The following LYRM4 variants were observed in gnomAD, a reference collection of about 807,000 sequenced individuals.
LYRM4 encodes LYR motif-containing protein 4.
LYRM4 carries 9 observed loss-of-function variants against 11.7 expected under a neutral mutation model. That is an observed-to-expected ratio of 0.77 (90% CI 0.46 to 1.34). The LOEUF is 1.34. Among genes scored for constraint, LYRM4 ranks in the 40% most tolerant of loss-of-function variants. The pLI, the probability that LYRM4 is intolerant of heterozygous loss-of-function variation, is 0.00. For synonymous variants in LYRM4, 42 were observed against 40.4 expected, an observed-to-expected ratio of 1.04 and a Z score of -0.15; for missense variants, 133 against 112.5, an observed-to-expected ratio of 1.18 and a Z score of -0.82.
intron 2 of LYRM4, among the ~76,000 whole-genome samples, chr6:5,181,522 A>G (rs1422114772): frequency 6.6e-6 from 1 of 152,196 alleles, no homozygotes; most frequent in Non-Finnish European, 1.5e-5. Context: ...CCATCTGCCC[A>G]TTCCCTAGAT....
At chr6:5,112,596 C>T (rs1309579634) in intron 2 of LYRM4, among the ~76,000 whole-genome samples, 1 of 152,198 alleles carries the variant, frequency 6.6e-6, no homozygotes, top group East Asian at 1.9e-4. Context: ...GCACCTTGTG[C>T]GGGTGAGACT....
At chr6:5,221,868 C>T (rs74356218) in intron 1 of LYRM4, among the ~76,000 whole-genome samples, 1,816 of 152,300 alleles carry the variant, frequency 0.012, 30 homozygotes, top group African/African-American at 0.04. Context: ...ATCTTCCAAT[C>T]GTAACTTTCC....
At chr6:5,162,325 C>G (rs770087859) in intron 2 of LYRM4, among the ~76,000 whole-genome samples, 1 of 152,194 alleles carries the variant, frequency 6.6e-6, no homozygotes, top group African/African-American at 2.4e-5. Context: ...AAAAATCCCA[C>G]TAAGTCTCCA....
intron 1 of LYRM4, among the ~76,000 whole-genome samples, chr6:5,230,247 C>T (rs1763156980): frequency 6.6e-6 from 1 of 152,172 alleles, no homozygotes; most frequent in Non-Finnish European, 1.5e-5. Flanking sequence ...CAAAGATGAC[C>T]ACATGCTTCA....
chr6:5,220,942 C>G (rs1200143709), intron 1 of LYRM4, among the ~76,000 whole-genome samples: 2 of 152,102 alleles, frequency 1.3e-5, no homozygotes, highest in African/African-American at 4.8e-5. Context: ...ACGATCCTTC[C>G]GCCTCACCCT....
At chr6:5,178,792 G>A (rs1367347873) in intron 2 of LYRM4, among the ~76,000 whole-genome samples, 2 of 102,634 alleles carry the variant, frequency 1.9e-5, no homozygotes, top group Non-Finnish European at 3.5e-5. Context: ...GCGACAGAGT[G>A]AGACTCTGTC....
rs544686789 is a variant in LYRM4 at position 5,158,969 on chromosome 6, T to C, written c.208-49478A>G. ...GGGTGAGAAGGCAACCTTGGCCTCC[T>C]CATCATGCAGGCAGGTTCTGAAGGT... On this transcript the variant is annotated intron_variant, in intron 2 of 2. Transcript: ENST00000330636. Among the ~76,000 whole-genome samples the C allele has an allele frequency of 2.7e-5, 4 of 148,782 alleles. No individual in the cohort carries two copies. The East Asian group carries it at 5.9e-4, about 22-fold the overall frequency.
At chr6:5,086,009 A>G in the LYRM4 span, 2 of 1,517,694 alleles carry the variant, frequency 1.3e-6, no homozygotes, top group South Asian at 1.2e-5. Flanking sequence ...GAGGACCTGG[A>G]GCAGCTCGGG....
At chr6:5,178,626 C>T (rs1759861853) in intron 2 of LYRM4, among the ~76,000 whole-genome samples, 1 of 150,626 alleles carries the variant, frequency 6.6e-6, no homozygotes, top group East Asian at 1.9e-4. Context: ...CCAGCCTGAC[C>T]AACATGGTGA....
At chr6:5,118,103 T>TGTTA in intron 2 of LYRM4, among the ~76,000 whole-genome samples, 1 of 91,542 alleles carries the variant, frequency 1.1e-5, no homozygotes. Context: ...TATTTTTGTT[T>TGTTA]TGTTTTGTTT....
intron 2 of LYRM4, among the ~76,000 whole-genome samples, chr6:5,123,183 A>G (rs1040531591): frequency 1.3e-5 from 2 of 152,220 alleles, no homozygotes; most frequent in Admixed American, 1.3e-4. Context: ...CAGCTGGGGC[A>G]GTGGGCCCGG....
chr6:5,063,513 T>TA, the LYRM4 span, among the ~76,000 whole-genome samples: 3 of 152,170 alleles, frequency 2.0e-5, no homozygotes, highest in Non-Finnish European at 4.4e-5. Context: ...GGACGCTACT[T>TA]ACACCCTTGT....
chr6:5,200,774 T>C (rs1399657872), intron 2 of LYRM4, among the ~76,000 whole-genome samples: 1 of 152,150 alleles, frequency 6.6e-6, no homozygotes, highest in African/African-American at 2.4e-5. Context: ...GATGCCTGAC[T>C]CCCACACTCA....
intron 1 of LYRM4, among the ~76,000 whole-genome samples, chr6:5,220,724 G>C (rs535501648): frequency 6.6e-6 from 1 of 152,284 alleles, no homozygotes; most frequent in East Asian, 1.9e-4. Flanking sequence ...TGACAATACT[G>C]TGTTGCATGC....
At chr6:5,151,083 AATT>A (rs1561832365) in intron 2 of LYRM4, among the ~76,000 whole-genome samples, 1 of 99,682 alleles carries the variant, frequency 1.0e-5, no homozygotes, top group Non-Finnish European at 2.1e-5. Flanking sequence ...GTTTGTTTTG[AATT>A]TTTTTTTTTT....
Position 5,109,395 on chromosome 6 carries a change from C to A in LYRM4, c.*28G>T. 1 of 1,613,580 alleles carries A rather than the reference C, an allele frequency of 6.2e-7. No homozygotes were observed. Among genetic ancestry groups the A allele is most frequent in the South Asian group, 1.1e-5 (1 of 91,050 alleles). On this transcript the variant is annotated 3_prime_UTR_variant, in exon 3 of 3. Transcript: ENST00000330636. ...AGTGGATGCTGAAGGTGGTCCCTGG[C>A]CGCCACTGGTGGCTGGTCCCCGGCT...
chr6:5,137,049 T>A (rs1757137423), intron 2 of LYRM4, among the ~76,000 whole-genome samples: 1 of 152,226 alleles, frequency 6.6e-6, no homozygotes, highest in East Asian at 1.9e-4. Flanking sequence ...TCTCGATGCA[T>A]TTGCCTATTT....
At chr6:5,046,411 G>A in the LYRM4 span, among the ~76,000 whole-genome samples, 2 of 152,284 alleles carry the variant, frequency 1.3e-5, no homozygotes, top group South Asian at 2.1e-4. Flanking sequence ...CTCCCAAAGT[G>A]CTGGGATTAC....
intron 2 of LYRM4, chr6:5,136,115 T>C (rs953528730): frequency 1.6e-5 from 3 of 192,892 alleles, no homozygotes; most frequent in Non-Finnish European, 2.8e-5. Flanking sequence ...CATTCCATTG[T>C]ACGGCTGTAC....
Sources: allele counts gnomAD v4.1 joint callset (sites outside exome capture counted in the v4.1 genomes callset), GRCh38; gene constraint gnomAD v4.1.1; transcripts MANE v1.5; gene names NCBI Gene and HGNC (gene_info 2026-07-23, HGNC 2026-07-21).